The following DLGAP1 variants were observed in gnomAD, a reference collection of about 807,000 sequenced individuals.
The protein encoded by DLGAP1 is DLG associated protein 1.
Under a neutral mutation model 90.8 loss-of-function variants are expected in DLGAP1, and 11 were observed. The ratio of observed to expected loss-of-function variants is 0.12; its 90% confidence interval spans 0.08 to 0.20. DLGAP1 has a LOEUF of 0.20. DLGAP1 is among the 10% of genes least tolerant of loss of function. The pLI, the probability that DLGAP1 is intolerant of heterozygous loss-of-function variation, is 1.00. For missense variants in DLGAP1, 1,050 were observed against 1,333.8 expected (o/e 0.79, Z 3.31); for synonymous variants, 558 against 540.7 (o/e 1.03, Z -0.44).
intron 1 of DLGAP1, among the ~76,000 whole-genome samples, chr18:4,379,171 T>C (rs1285967596): frequency 1.3e-5 from 2 of 152,136 alleles, no homozygotes; most frequent in East Asian, 3.9e-4. Context: ...TGTGTACTAA[T>C]TATTTAGCAG....
rs552894001 is a variant in DLGAP1, at chr18:4,007,426, C to T, written c.-158-2225G>A. The stretch of plus-strand genomic sequence containing the variant: ...ATCCTAGCACTTGGGAGGCAGAGGC[C>T]GGCAGATTACCTGAGGTCAGGAGTT... On this transcript the variant is annotated intron_variant, in intron 2 of 12. Transcript: ENST00000315677. Among the ~76,000 whole-genome samples, 62 of 152,176 alleles carry T rather than the reference C, an allele frequency of 4.1e-4. 5 individuals carry two copies. In the South Asian group the frequency reaches 5.4e-3, roughly 13 times the overall value.
intron 1 of DLGAP1, among the ~76,000 whole-genome samples, chr18:4,243,300 C>T (rs956144940): frequency 6.8e-5 from 4 of 59,220 alleles, no homozygotes; most frequent in Non-Finnish European, 1.7e-4. Context: ...GTACTCCTTA[C>T]GTAACCGAAA....
At chr18:4,283,523 C>T (rs1044940221) in intron 1 of DLGAP1, among the ~76,000 whole-genome samples, 5 of 152,124 alleles carry the variant, frequency 3.3e-5, no homozygotes, top group Non-Finnish European at 5.9e-5. Context: ...ACAGGGATTG[C>T]CAACTCTAGT....
intron 2 of DLGAP1, among the ~76,000 whole-genome samples, chr18:4,101,909 A>T (rs577824175): frequency 3.2e-4 from 49 of 152,106 alleles, no homozygotes; most frequent in African/African-American, 1.2e-3. Flanking sequence ...ATATGTGTGT[A>T]TAATGCATAT....
At position 4,096,773 on chromosome 18, in the gene DLGAP1, T is replaced by C. The variant is rs373759015; in HGVS notation, c.-159+54407A>G. ...CTGGACTGAAGCAGAAGCTTTTTTA[T>C]AGGCTGCCTGGGTTAACGTCCTGGC... On this transcript the variant is annotated intron_variant, in intron 2 of 12. Transcript: ENST00000315677. Among the ~76,000 whole-genome samples, 249 of 152,338 alleles carry C rather than the reference T, an allele frequency of 1.6e-3. 2 individuals carry two copies. The South Asian group carries it at 0.027, about 17-fold the overall frequency.
At chr18:3,561,732 T>C (rs1433762249) in intron 9 of DLGAP1, among the ~76,000 whole-genome samples, 1 of 151,016 alleles carries the variant, frequency 6.6e-6, no homozygotes, top group Non-Finnish European at 1.5e-5. Flanking sequence ...CTTCTTTCAA[T>C]TTTTTTCGTT....
intron 1 of DLGAP1, among the ~76,000 whole-genome samples, chr18:4,357,769 C>G (rs1375172011): frequency 2.0e-5 from 3 of 152,210 alleles, no homozygotes; most frequent in Non-Finnish European, 4.4e-5. Context: ...CGCAGCGCCT[C>G]TCCACTGATT....
intron 3 of DLGAP1, among the ~76,000 whole-genome samples, chr18:3,992,495 T>C (rs1399761422): frequency 6.6e-6 from 1 of 152,060 alleles, no homozygotes; most frequent in Non-Finnish European, 1.5e-5. Flanking sequence ...CTGAGCAACA[T>C]GGTGAAATCT....
chr18:4,212,946 C>G (rs370660727), intron 1 of DLGAP1, among the ~76,000 whole-genome samples: 22 of 152,250 alleles, frequency 1.4e-4, no homozygotes, highest in African/African-American at 4.8e-4. Context: ...GATGTACCAA[C>G]AATCTACAGA....
chr18:3,885,162 A>G (rs7234180), intron 3 of DLGAP1, among the ~76,000 whole-genome samples: 50,941 of 151,834 alleles, frequency 0.34, 10,004 homozygotes, highest in South Asian at 0.52. Context: ...CTCATTCTTC[A>G]TTTTCCTCTT....
At chr18:4,022,171 AC>A (rs2074621236) in intron 2 of DLGAP1, among the ~76,000 whole-genome samples, 1 of 151,978 alleles carries the variant, frequency 6.6e-6, no homozygotes, top group Admixed American at 6.6e-5. Flanking sequence ...TGTTCAGAAA[AC>A]TTTTTTAAAC....
intron 1 of DLGAP1, among the ~76,000 whole-genome samples, chr18:4,207,723 C>G (rs2077751464): frequency 6.6e-6 from 1 of 152,150 alleles, no homozygotes; most frequent in South Asian, 2.1e-4. Context: ...TGCTTTTAGT[C>G]CAGCTAACCA....
chr18:4,390,478 T>C (rs983122508), intron 1 of DLGAP1, among the ~76,000 whole-genome samples: 2 of 152,156 alleles, frequency 1.3e-5, no homozygotes, highest in Non-Finnish European at 2.9e-5. Flanking sequence ...TAGTATCATA[T>C]AGAATAGTTC....
chr18:4,158,627 T>C (rs1050322834), intron 1 of DLGAP1, among the ~76,000 whole-genome samples: 1 of 152,202 alleles, frequency 6.6e-6, no homozygotes. Flanking sequence ...CTTCTCTCAT[T>C]TTCCGACTGA....
At chr18:4,357,115 G>A (rs1050474387) in intron 1 of DLGAP1, among the ~76,000 whole-genome samples, 2 of 139,304 alleles carry the variant, frequency 1.4e-5, no homozygotes, top group Non-Finnish European at 1.6e-5. Context: ...GTGTGTGTAC[G>A]ATATACCATT....
intron 5 of DLGAP1, among the ~76,000 whole-genome samples, chr18:3,773,867 G>A (rs2064814487): frequency 6.6e-6 from 1 of 152,224 alleles, no homozygotes; most frequent in Non-Finnish European, 1.5e-5. Flanking sequence ...ACAGTCAGAT[G>A]TTAGAAGTAT....
chr18:4,230,987 T>C (rs940713610), intron 1 of DLGAP1, among the ~76,000 whole-genome samples: 4 of 151,986 alleles, frequency 2.6e-5, no homozygotes, highest in Non-Finnish European at 4.4e-5. Context: ...TAGCTGTCCG[T>C]GGTACTTGTC....
chr18:3,500,710 T>G (rs1262933453), intron 12 of DLGAP1, among the ~76,000 whole-genome samples: 3 of 152,156 alleles, frequency 2.0e-5, no homozygotes, highest in African/African-American at 7.2e-5. Context: ...CAAAGTCCAT[T>G]AAAAACCGTA....
intron 1 of DLGAP1, among the ~76,000 whole-genome samples, chr18:4,180,895 C>T (rs1251484598): frequency 6.6e-6 from 1 of 152,074 alleles, no homozygotes; most frequent in Non-Finnish European, 1.5e-5. Flanking sequence ...ACAAGGGTGT[C>T]CAGTGAAGTC....
Sources: gnomAD v4.1 joint callset for allele counts (sites outside exome capture counted in the v4.1 genomes callset) on GRCh38, gnomAD v4.1.1 for gene constraint, MANE v1.5 for transcripts, NCBI Gene and HGNC (gene_info 2026-07-23, HGNC 2026-07-21) for gene names.